The following ZNF507 variants were observed in gnomAD, a reference collection of about 807,000 sequenced individuals.
The protein encoded by ZNF507 is zinc finger protein 507.
In ZNF507, 29 loss-of-function variants were observed where a neutral mutation model predicts 80.0. That is an observed-to-expected ratio of 0.36 (90% CI 0.27 to 0.49). The LOEUF (loss-of-function observed/expected upper bound fraction) is 0.49. Among genes scored for constraint, ZNF507 ranks in the 20% least tolerant of loss-of-function variants. The pLI, the probability that ZNF507 is intolerant of heterozygous loss-of-function variation, is 0.98. For missense variants in ZNF507, 1,081 were observed against 1,152.2 expected (o/e 0.94, Z 0.90); for synonymous variants, 462 against 422.5 (o/e 1.09, Z -1.15).
At chr19:32,355,172 T>G (rs566436054) in intron 3 of ZNF507, among the ~76,000 whole-genome samples, 11 of 152,348 alleles carry the variant, frequency 7.2e-5, no homozygotes, top group Non-Finnish European at 1.5e-4. Flanking sequence ...GCCTGCTGCC[T>G]CCTTGACAGC....
chr19:32,353,796 G>A lies in ZNF507; in HGVS notation c.966G>A (p.Val322=), dbSNP rs1052311044. 4 of 1,614,200 alleles carry A rather than the reference G, an allele frequency of 2.5e-6. No individual in the cohort carries two copies. Among genetic ancestry groups the A allele is most frequent in the Non-Finnish European group, 3.4e-6 (4 of 1,180,036 alleles). ...TGAGTATCCACAATGGGCCATCAGT[G>A]CAAGTGCAGATTTGCAGCTCAGAAC... The part of the protein sequence containing the change: ...SELSIHNGPS[V]QVQICSSEQL... The change falls in exon 3 of 7, where the codon GTG becomes GTA. Residue 322 remains valine, a synonymous_variant. Transcript: ENST00000355898.
At chr19:32,372,005 T>G (rs1399906439) in intron 5 of ZNF507, among the ~76,000 whole-genome samples, 1 of 152,130 alleles carries the variant, frequency 6.6e-6, no homozygotes, top group Non-Finnish European at 1.5e-5. Context: ...TAATCTGCAG[T>G]GCATTTATAT....
At chr19:32,373,824 T>C (rs1410126448) in intron 5 of ZNF507, among the ~76,000 whole-genome samples, 8 of 152,206 alleles carry the variant, frequency 5.3e-5, no homozygotes. Flanking sequence ...TGTTGGCCAG[T>C]TCCTCTCTTG....
At chr19:32,355,079 T>G (rs1967234360) in intron 3 of ZNF507, 122 bp downstream of exon 3, 1 of 1,025,574 alleles carries the variant, frequency 9.8e-7, no homozygotes, top group African/African-American at 1.6e-5. Context: ...CAGAAAAGTT[T>G]GATAAGTTGC....
intron 5 of ZNF507, among the ~76,000 whole-genome samples, chr19:32,367,997 G>T (rs892361763): frequency 3.3e-5 from 5 of 152,234 alleles, no homozygotes; most frequent in Admixed American, 6.5e-5. Flanking sequence ...CCCCAATTTT[G>T]TAGACATGGA....
chr19:32,380,351 G>T (rs1301550442), intron 5 of ZNF507, among the ~76,000 whole-genome samples: 1 of 151,626 alleles, frequency 6.6e-6, no homozygotes, highest in Non-Finnish European at 1.5e-5. Context: ...GCAAGACCCT[G>T]TCTCAAAAAA....
intron 5 of ZNF507, among the ~76,000 whole-genome samples, chr19:32,378,284 C>T (rs1243935367): frequency 6.6e-6 from 1 of 152,026 alleles, no homozygotes; most frequent in Non-Finnish European, 1.5e-5. Context: ...ACCTGGGAGG[C>T]GGAGGTTGCA....
rs1967309755 is a variant in ZNF507, at chr19:32,360,616, C to T, written c.2358C>T (p.Tyr786=). ...GAATCCATAACTCTGATAAGCCGTA[C>T]AGGTAAGTGTTATGATTCTAGAATT... ...HRRIHNSDKP[Y]RCSLCGYVCS... The change falls in exon 5 of 7, where the codon TAC becomes TAT. Residue 786 remains tyrosine (Y), a splice_region_variant and synonymous_variant. Coordinates refer to ENST00000355898, the MANE Select transcript of ZNF507 (RefSeq NM_001136156.2). The T allele has an allele frequency of 6.5e-7, 1 of 1,537,590 alleles. No individual in the cohort carries two copies. The highest frequency in any genetic ancestry group is 8.8e-7 in the Non-Finnish European group (1 of 1,134,264).
At chr19:32,377,722 G>A (rs189618771) in intron 5 of ZNF507, among the ~76,000 whole-genome samples, 5 of 152,232 alleles carry the variant, frequency 3.3e-5, no homozygotes, top group Admixed American at 6.5e-5. Context: ...TGTAATTGAC[G>A]TAGATACCCC....
chr19:32,380,331 G>A (rs1340767466), intron 5 of ZNF507, among the ~76,000 whole-genome samples: 1 of 152,004 alleles, frequency 6.6e-6, no homozygotes, highest in African/African-American at 2.4e-5. Flanking sequence ...ACTCAAGCCT[G>A]GGCAACAGAG....
At chr19:32,351,527 T>G (rs866084573) in intron 2 of ZNF507, among the ~76,000 whole-genome samples, 6 of 90 alleles carry the variant, frequency 0.067, no homozygotes, top group African/African-American at 0.083. Flanking sequence ...GTGTGTGGCG[T>G]GGGGGCGGGC....
chr19:32,368,527 G>C (rs1429725773), intron 5 of ZNF507, among the ~76,000 whole-genome samples: 1 of 152,188 alleles, frequency 6.6e-6, no homozygotes, highest in Non-Finnish European at 1.5e-5. Flanking sequence ...ACTTCCACCA[G>C]AGTTACAGGC....
At chr19:32,350,634 A>G (rs780816610) in intron 2 of ZNF507, among the ~76,000 whole-genome samples, 12 of 151,752 alleles carry the variant, frequency 7.9e-5, no homozygotes, top group Non-Finnish European at 1.8e-4. Flanking sequence ...AGATAACATG[A>G]GTCACCTTTG....
At chr19:32,351,129 G>C (rs1967157108) in intron 2 of ZNF507, among the ~76,000 whole-genome samples, 1 of 152,184 alleles carries the variant, frequency 6.6e-6, no homozygotes. Context: ...AGGACCACGG[G>C]CCTTTGGGAG....
intron 5 of ZNF507, among the ~76,000 whole-genome samples, chr19:32,372,843 G>A (rs186686807): frequency 3.6e-4 from 55 of 152,262 alleles, no homozygotes; most frequent in African/African-American, 1.3e-3. Context: ...TAGTTTTGGT[G>A]TTGACAAACA....
Position 32,354,860 on chromosome 19 carries a change from T to A in ZNF507, c.2030T>A (p.Ile677Lys). The A allele has an allele frequency of 1.2e-6, 2 of 1,614,140 alleles. No homozygotes were observed. The highest frequency in any genetic ancestry group is 1.1e-5 in the South Asian group (1 of 91,074). Residue 677 changes from isoleucine to lysine, a missense_variant, in exon 3 of 7, where the codon ATA (isoleucine) becomes AAA (lysine). Physicochemically the swap from Ile to Lys is moderately radical, Grantham distance 102. Around this residue, in one of 6 missense-constraint regions of ZNF507, gnomAD observed 614 missense variants for 583.9 expected, o/e 1.05. Transcript: ENST00000355898. Reference sequence around the variant, plus strand: ...TATCAGTGTCCTATCTGCGAGCACATAGCGGACAACAGCAAAGATTTGGAG... The same window carrying A: ...TATCAGTGTCCTATCTGCGAGCACAAAGCGGACAACAGCAAAGATTTGGAG... ...QPYQCPICEHIADNSKDLESH... is the reference protein window; with the variant it reads ...QPYQCPICEHKADNSKDLESH...
chr19:32,354,688 A>G lies in ZNF507; in HGVS notation c.1858A>G (p.Asn620Asp). 6.2e-6 allele frequency: 10 copies of G among 1,614,154 alleles called. No homozygotes were observed. Among genetic ancestry groups the G allele is most frequent in the Non-Finnish European group, 8.5e-6 (10 of 1,180,032 alleles). ...ELQDNAQCQP[N>D]SDTSLSGNNV... is the part of the protein sequence containing the mutation. ...GCAGGACAACGCCCAGTGCCAACCCAACAGCGATACAAGTTTGTCCGGAAA... is the reference window on the plus strand; with the variant it reads ...GCAGGACAACGCCCAGTGCCAACCCGACAGCGATACAAGTTTGTCCGGAAA... The change falls in exon 3 of 7, where the codon AAC (asparagine) becomes GAC (aspartate). Residue 620 changes from asparagine to aspartate, a missense_variant. Physicochemically the swap from Asn to Asp is conservative, Grantham distance 23. Coordinates refer to ENST00000355898, the MANE Select transcript of ZNF507 (RefSeq NM_001136156.2).
chr19:32,386,327 C>G lies in ZNF507; in HGVS notation c.*3244C>G, dbSNP rs1376777300. On this transcript the variant is annotated 3_prime_UTR_variant, in exon 7 of 7. Coordinates refer to ENST00000355898, the MANE Select transcript of ZNF507 (RefSeq NM_001136156.2). ...CGTGCTGTAATTGGCTTGACAAAGA[C>G]AAGCAGGCTTCTCTGTTGAGACTTA... The G allele has an allele frequency of 6.6e-6, 1 of 152,612 alleles. No individual in the cohort carries two copies. The highest frequency in any genetic ancestry group is 1.5e-5 in the Non-Finnish European group (1 of 68,028). 9.5% of individuals were successfully genotyped at this position (152,612 alleles called of 1,614,324 possible).
In ZNF507 at chr19:32,348,303, ATT is replaced by A. The variant is rs11312458; in HGVS notation, c.-3+977_-3+978del. Among the ~76,000 whole-genome samples, 276 of 149,420 alleles carry A rather than the reference ATT, an allele frequency of 1.8e-3. 2 individuals carry two copies. The highest frequency in any genetic ancestry group is 6.9e-3 in the Middle Eastern group (2 of 290). ...TATTGGCCATTACTTTTATAGCACA[ATT>A]TTTTTTTTTTTCCCATTTTGGAAAA... On this transcript the variant is annotated intron_variant, in intron 2 of 6. Transcript: ENST00000355898.
Sources: gnomAD v4.1 joint callset for allele counts (sites outside exome capture counted in the v4.1 genomes callset) on GRCh38, gnomAD v4.1.1 for gene constraint, gnomAD v4.1.1 regional missense constraint, MANE v1.5 for transcripts, NCBI Gene and HGNC (gene_info 2026-07-23, HGNC 2026-07-21) for gene names.